Variants in NACC2 observed in about 807,000 individuals in gnomAD.
NACC2 encodes the protein nucleus accumbens-associated protein 2.
Under a neutral mutation model 25.1 loss-of-function variants are expected in NACC2, and 8 were observed. That is an observed-to-expected ratio of 0.32 (90% CI 0.19 to 0.57). The LOEUF (loss-of-function observed/expected upper bound fraction) is 0.57. Among genes scored for constraint, NACC2 ranks in the 20% least tolerant of loss-of-function variants. The probability of loss-of-function intolerance (pLI) is 0.89; values close to 1 mark genes in which losing one functional copy is unlikely to be tolerated. For synonymous variants in NACC2, 435 were observed against 294.7 expected, an observed-to-expected ratio of 1.48 and a Z score of -4.88; for missense variants, 644 against 650.2, an observed-to-expected ratio of 0.99 and a Z score of 0.10.
At chr9:136,017,516 C>T (rs959339265) in intron 2 of NACC2, among the ~76,000 whole-genome samples, 2 of 152,110 alleles carry the variant, frequency 1.3e-5, no homozygotes, top group Admixed American at 6.5e-5. Context: ...TGTTGCCCCC[C>T]ACCCCCACCA....
chr9:136,084,233 A>C lies in NACC2; in HGVS notation c.-60+10956T>G, dbSNP rs1830354698. Among the ~76,000 whole-genome samples the C allele has an allele frequency of 6.6e-6, 1 of 152,028 alleles. No individual in the cohort carries two copies. Among genetic ancestry groups the C allele is most frequent in the Non-Finnish European group, 1.5e-5 (1 of 67,986 alleles). On this transcript the variant is annotated intron_variant, in intron 1 of 5. Transcript: ENST00000277554. The surrounding 1 kb of genome is among the most constrained non-coding windows in gnomAD (Gnocchi z 5.1). ...TGCAGCCTCCCCGCTCCCAGGTCAA[A>C]GACCTCCACACCCAGACCTGGTCCT... is the stretch of plus-strand genomic sequence containing the variant.
rs1434582419 is a variant in NACC2 at position 136,009,005 on chromosome 9, G to C, written c.*2511C>G. ...GGACATTGTGCGGGCCTGAACAGCA[G>C]TCAGGCGTCCTCTGTGCAGCCACCA... On this transcript the variant is annotated 3_prime_UTR_variant, in exon 6 of 6. Transcript: ENST00000277554. 3 of 152,378 alleles carry C rather than the reference G, an allele frequency of 2.0e-5. No homozygotes were observed. The highest frequency in any genetic ancestry group is 7.2e-5 in the African/African-American group (3 of 41,470). 9.4% of individuals were successfully genotyped at this position (152,378 alleles called of 1,614,324 possible).
chr9:136,067,966 A>G (rs1841107414), intron 1 of NACC2, among the ~76,000 whole-genome samples: 1 of 152,276 alleles, frequency 6.6e-6, no homozygotes, highest in African/African-American at 2.4e-5. Flanking sequence ...CAACTGTAAC[A>G]CAATGGGAAG....
chr9:136,092,059 G>A (rs922483193), intron 1 of NACC2, among the ~76,000 whole-genome samples: 3 of 152,220 alleles, frequency 2.0e-5, no homozygotes, highest in African/African-American at 7.2e-5. Flanking sequence ...GGGCGCCTCA[G>A]GGAGGCCGGT....
chr9:136,064,667 C>T (rs1194770876), intron 1 of NACC2, among the ~76,000 whole-genome samples: 2 of 152,126 alleles, frequency 1.3e-5, no homozygotes, highest in East Asian at 3.8e-4. Context: ...AGACTCAATG[C>T]AATCTCTATC....
chr9:136,050,889 A>G (rs969921887), intron 1 of NACC2, among the ~76,000 whole-genome samples: 14 of 151,872 alleles, frequency 9.2e-5, no homozygotes, highest in Non-Finnish European at 1.9e-4. Flanking sequence ...GGCGAGGAGG[A>G]GCGCAGGCCT....
chr9:136,078,728 G>C (rs1021065281), intron 1 of NACC2, among the ~76,000 whole-genome samples: 2 of 152,382 alleles, frequency 1.3e-5, no homozygotes, highest in African/African-American at 4.8e-5. Flanking sequence ...GCTGAGCAAA[G>C]CGAGCCCCTC....
At chr9:136,049,268 C>T (rs1202677903) in intron 2 of NACC2, among the ~76,000 whole-genome samples, 1 of 152,168 alleles carries the variant, frequency 6.6e-6, no homozygotes, top group African/African-American at 2.4e-5. Flanking sequence ...CCGGGTGAGG[C>T]GCAGACTGAG....
At chr9:136,078,511 A>G (rs561724507) in intron 1 of NACC2, among the ~76,000 whole-genome samples, 1 of 152,354 alleles carries the variant, frequency 6.6e-6, no homozygotes, top group South Asian at 2.1e-4. Flanking sequence ...TACAGATGAG[A>G]AAACTGAGGC....
intron 2 of NACC2, among the ~76,000 whole-genome samples, chr9:136,033,648 CA>C (rs558163152): frequency 0.019 from 1,358 of 71,170 alleles, 10 homozygotes; most frequent in African/African-American, 0.071. Context: ...GACTCTGTCT[CA>C]AAAAAAAAAA....
At position 136,011,630 on chromosome 9, in the gene NACC2, G is replaced by A. The variant is rs749591024; in HGVS notation, c.1650C>T (p.Ala550=). 5.8e-5 allele frequency: 81 copies of A among 1,400,904 alleles called. No individual in the cohort carries two copies. The African/African-American group carries it at 8.4e-4, about 14-fold the overall frequency. The allele number at this position is 1,400,904 out of a possible 1,614,324, so 86.8% of individuals were successfully genotyped here. A position where few individuals can be genotyped will look rare whatever the true frequency, so the allele number is the denominator to read the frequency against. The change falls in exon 6 of 6, where the codon GCC becomes GCT. Residue 550 remains alanine, a synonymous_variant. Coordinates refer to ENST00000277554, the MANE Select transcript of NACC2 (RefSeq NM_144653.5). Reference sequence around the variant, plus strand: ...AGGGCTGTGGGGGGCTCTGGCCATCGGCGGGCAGCGGCTCGGGGGCGGCCA... The same window carrying A: ...AGGGCTGTGGGGGGCTCTGGCCATCAGCGGGCAGCGGCTCGGGGGCGGCCA... ...QEVAAPEPLP[A]DGQSPPQPFE... is the part of the protein sequence containing the mutation.
rs73551132 is a variant in NACC2 at position 136,022,938 on chromosome 9, G to A, written c.887-6509C>T. On this transcript the variant is annotated intron_variant, in intron 2 of 5. Coordinates refer to ENST00000277554, the MANE Select transcript of NACC2 (RefSeq NM_144653.5). The surrounding 1 kb of genome is among the most constrained non-coding windows in gnomAD (Gnocchi z 4.4). ...CACCGTGCCTGTTAAGACACAGCCC[G>A]TTTCGTGGATGCTGACACATGGGGA... is the stretch of plus-strand genomic sequence containing the variant. 0.044 allele frequency among the ~76,000 whole-genome samples: 6,504 copies of A among 148,100 alleles called. 310 individuals carry two copies. The highest frequency in any genetic ancestry group is 0.12 in the African/African-American group (4,636 of 39,740).
In NACC2 at chr9:136,019,401, G is replaced by C. The variant is rs1027754609; in HGVS notation, c.887-2972C>G. 6.6e-6 allele frequency: 1 copy of C among 152,316 alleles called. No individual in the cohort carries two copies. Among genetic ancestry groups the C allele is most frequent in the East Asian group, 1.9e-4 (1 of 5,164 alleles). 9.4% of individuals were successfully genotyped at this position (152,316 alleles called of 1,614,324 possible). On this transcript the variant is annotated intron_variant, in intron 2 of 5. Transcript: ENST00000277554. This position sits in a 1 kb window ranked among gnomAD's most constrained non-coding sequence, Gnocchi z 5.2. The stretch of plus-strand genomic sequence containing the variant: ...TGCCGGTCACACTGAGGTCCCTCCT[G>C]AGCCTGGGTCTCGGGTACTGGGGGA...
At chr9:136,043,787 T>TC (rs1840681430) in intron 2 of NACC2, among the ~76,000 whole-genome samples, 1 of 152,232 alleles carries the variant, frequency 6.6e-6, no homozygotes, top group Non-Finnish European at 1.5e-5. Context: ...CACAGTGAAC[T>TC]CACTGATGGC....
chr9:136,013,937 T>A lies in NACC2; in HGVS notation c.1084A>T (p.Met362Leu). The change falls in exon 4 of 6, where the codon ATG becomes TTG. Residue 362 changes from methionine (M) to leucine (L), a missense_variant. Physicochemically the swap from Met to Leu is conservative, Grantham distance 15 (BLOSUM62 2). Coordinates refer to ENST00000277554, the MANE Select transcript of NACC2 (RefSeq NM_144653.5). This position sits in a 1 kb window ranked among gnomAD's most constrained non-coding sequence, Gnocchi z 6.6. The part of the protein sequence containing the change: ...SGVYITRGQL[M>L]NCHLCAGVKH... The stretch of plus-strand genomic sequence containing the variant: ...ACCCCTGCACACAGGTGGCAGTTCA[T>A]CAGCTGGCCGCGTGTGATGTAGACC... 1 of 1,612,548 alleles carries A rather than the reference T, an allele frequency of 6.2e-7. No individual in the cohort carries two copies. The highest frequency in any genetic ancestry group is 8.5e-7 in the Non-Finnish European group (1 of 1,179,904).
intron 1 of NACC2, among the ~76,000 whole-genome samples, chr9:136,094,743 A>C (rs75959523): frequency 0.19 from 28,510 of 149,544 alleles, 5,367 homozygotes; most frequent in African/African-American, 0.5. Flanking sequence ...AGGGGTGGGT[A>C]CCTCCGCCCT....
At chr9:136,089,719 C>T (rs1023383363) in intron 1 of NACC2, among the ~76,000 whole-genome samples, 1 of 151,972 alleles carries the variant, frequency 6.6e-6, no homozygotes, top group South Asian at 2.1e-4. Flanking sequence ...TTCTACTTTC[C>T]CTCTTCATTT....
At chr9:136,029,916 C>G (rs1441894307) in intron 2 of NACC2, among the ~76,000 whole-genome samples, 1 of 152,144 alleles carries the variant, frequency 6.6e-6, no homozygotes, top group Non-Finnish European at 1.5e-5. Flanking sequence ...GCCTGCTGGG[C>G]CGAACGGGTG....
rs772815791 is a variant in NACC2, at chr9:136,020,918, C to T, written c.887-4489G>A. Reference sequence around the variant, plus strand: ...CACCCACACGTGGCACCAAAACCACCCTCCGTCTCAGCCTCGCACCCTACA... The same window carrying T: ...CACCCACACGTGGCACCAAAACCACTCTCCGTCTCAGCCTCGCACCCTACA... On this transcript the variant is annotated intron_variant, in intron 2 of 5. Transcript: ENST00000277554. The surrounding 1 kb of genome is among the most constrained non-coding windows in gnomAD (Gnocchi z 4.7). Among the ~76,000 whole-genome samples, 2 of 152,120 alleles carry T rather than the reference C, an allele frequency of 1.3e-5. No homozygotes were observed. The highest frequency in any genetic ancestry group is 2.9e-5 in the Non-Finnish European group (2 of 68,026).
Sources: gnomAD v4.1 joint callset for allele counts (sites outside exome capture counted in the v4.1 genomes callset) on GRCh38, gnomAD v4.1.1 for gene constraint, Gnocchi (gnomAD v3.1) non-coding constraint, MANE v1.5 for transcripts, NCBI Gene and HGNC (gene_info 2026-07-23, HGNC 2026-07-21) for gene names.